Variants in MIPEP observed in about 807,000 individuals in gnomAD.
MIPEP encodes mitochondrial intermediate peptidase.
Under a neutral mutation model 90.3 loss-of-function variants are expected in MIPEP, and 79 were observed. The observed-to-expected ratio is 0.87, with a 90% CI of 0.73 to 1.05. MIPEP has a LOEUF of 1.05. MIPEP is among the 50% of genes least tolerant of loss of function. The pLI, the probability that MIPEP is intolerant of heterozygous loss-of-function variation, is 0.00. For synonymous variants in MIPEP, 334 were observed against 315.8 expected (o/e 1.06, Z -0.61); for missense variants, 940 against 905.6 (o/e 1.04, Z -0.49).
At chr13:23,823,423 G>C (rs73158579) in intron 14 of MIPEP, among the ~76,000 whole-genome samples, 2,647 of 152,334 alleles carry the variant, frequency 0.017, 38 homozygotes, top group Non-Finnish European at 0.026. Flanking sequence ...TGAAACATCT[G>C]ACTTTCTCAA....
intron 1 of MIPEP, 125 bp downstream of exon 1, chr13:23,889,006 TA>T: frequency 1.1e-6 from 1 of 913,034 alleles, no homozygotes; most frequent in Non-Finnish European, 1.5e-6. Flanking sequence ...GACGCCACTG[TA>T]AAAGGTGGGT....
chr13:23,750,951 T>G (rs551921914), intron 18 of MIPEP, among the ~76,000 whole-genome samples: 1 of 152,288 alleles, frequency 6.6e-6, no homozygotes, highest in African/African-American at 2.4e-5. Flanking sequence ...ACTTCCTTCC[T>G]TTCTGGCACT....
At position 23,888,774 on chromosome 13, in the gene MIPEP, G is replaced by T. The variant is rs1205044086; in HGVS notation, c.189+358C>A. The T allele has an allele frequency of 3.8e-6, 4 of 1,051,038 alleles. No individual in the cohort carries two copies. In the East Asian group the frequency reaches 2.1e-4, roughly 55 times the overall value. The allele number at this position is 1,051,038 out of a possible 1,614,324, so 65.1% of individuals were successfully genotyped here. Reference sequence around the variant, plus strand: ...AGGCCTCTTAAGGCAGGACTGTAGCGCTGGAGCTAAAGGGCTTTAGCAGGG... The same window carrying T: ...AGGCCTCTTAAGGCAGGACTGTAGCTCTGGAGCTAAAGGGCTTTAGCAGGG... On this transcript the variant is annotated intron_variant, in intron 1 of 18. Coordinates refer to ENST00000382172, the MANE Select transcript of MIPEP (RefSeq NM_005932.4).
chr13:23,859,536 T>A (rs1310958103), intron 9 of MIPEP, among the ~76,000 whole-genome samples: 1 of 152,158 alleles, frequency 6.6e-6, no homozygotes, highest in East Asian at 1.9e-4. Flanking sequence ...AAAGAGTGGT[T>A]AAGAGACCAG....
At chr13:23,757,128 C>T (rs1952497543) in intron 17 of MIPEP, among the ~76,000 whole-genome samples, 1 of 152,094 alleles carries the variant, frequency 6.6e-6, no homozygotes, top group Non-Finnish European at 1.5e-5. Context: ...GCTTGTTTTT[C>T]TACAACTAGA....
intron 7 of MIPEP, among the ~76,000 whole-genome samples, chr13:23,866,577 G>A (rs756884192): frequency 3.9e-5 from 6 of 152,110 alleles, no homozygotes; most frequent in Non-Finnish European, 7.4e-5. Context: ...GACCTTCTGC[G>A]CGGCCTCCAG....
intron 17 of MIPEP, among the ~76,000 whole-genome samples, chr13:23,759,207 G>A (rs1177482551): frequency 1.3e-5 from 2 of 152,148 alleles, no homozygotes; most frequent in African/African-American, 4.8e-5. Flanking sequence ...TTGTTATAGG[G>A]ATTCCTGTTA....
intron 18 of MIPEP, among the ~76,000 whole-genome samples, chr13:23,748,990 C>T (rs1468299329): frequency 6.6e-6 from 1 of 152,220 alleles, no homozygotes; most frequent in Non-Finnish European, 1.5e-5. Context: ...TGTTCTCCTA[C>T]AGTGCTGGGC....
chr13:23,803,747 G>A (rs969140664), intron 16 of MIPEP, among the ~76,000 whole-genome samples: 15 of 152,208 alleles, frequency 9.9e-5, no homozygotes, highest in African/African-American at 3.6e-4. Context: ...CCAACTTGAT[G>A]TCGGGAATGT....
intron 8 of MIPEP, 21 bp from the exon 9 acceptor site, chr13:23,862,383 T>C: frequency 6.9e-7 from 1 of 1,450,272 alleles, no homozygotes; most frequent in East Asian, 2.3e-5. Flanking sequence ...GGTTTATCAT[T>C]ACTTGTTAGG....
chr13:23,887,492 C>T (rs562910024), intron 1 of MIPEP, among the ~76,000 whole-genome samples: 4 of 152,232 alleles, frequency 2.6e-5, no homozygotes, highest in African/African-American at 4.8e-5. Context: ...GAACTCGAAC[C>T]CGCTCTGTAC....
At chr13:23,845,391 G>A (rs553863618) in intron 10 of MIPEP, among the ~76,000 whole-genome samples, 2 of 152,228 alleles carry the variant, frequency 1.3e-5, no homozygotes, top group East Asian at 3.9e-4. Context: ...ACATCGTTTG[G>A]AATTTCCCAC....
intron 18 of MIPEP, among the ~76,000 whole-genome samples, chr13:23,734,392 A>G (rs1952238220): frequency 6.6e-6 from 1 of 152,232 alleles, no homozygotes; most frequent in South Asian, 2.1e-4. Flanking sequence ...TCGGAGCCAC[A>G]TCATTTTGGT....
intron 7 of MIPEP, among the ~76,000 whole-genome samples, chr13:23,864,587 T>C (rs919168397): frequency 1.3e-5 from 2 of 151,840 alleles, no homozygotes; most frequent in Non-Finnish European, 2.9e-5. Context: ...AATACAAAAA[T>C]TAGCCAGGCG....
chr13:23,784,596 A>G (rs1380650791), intron 16 of MIPEP, among the ~76,000 whole-genome samples: 1 of 152,190 alleles, frequency 6.6e-6, no homozygotes, highest in Non-Finnish European at 1.5e-5. Flanking sequence ...TTCATGTCTA[A>G]AACACCAAAA....
chr13:23,862,308 T>C lies in MIPEP; in HGVS notation c.1047A>G (p.Gln349=), dbSNP rs777323512. ...IRGMKMKLNP[Q]NSEVMPWDPP... ...AATATTCCAACATACTTACGGAATT[T>C]TGAGGATTCAGTTTCATTTTCATCC... Residue 349 remains glutamine, a synonymous_variant, in exon 9 of 19, where the codon CAA becomes CAG. Transcript: ENST00000382172. 7.1e-6 allele frequency: 11 copies of C among 1,556,392 alleles called. No homozygotes were observed. In the African/African-American group the frequency reaches 1.2e-4, roughly 17 times the overall value.
At chr13:23,743,899 G>A (rs751259690) in intron 18 of MIPEP, among the ~76,000 whole-genome samples, 3 of 152,162 alleles carry the variant, frequency 2.0e-5, no homozygotes, top group Non-Finnish European at 4.4e-5. Flanking sequence ...AGCTTTCAGC[G>A]ATTTCAGAGG....
chr13:23,796,910 G>T lies in MIPEP; in HGVS notation c.1848+9040C>A, dbSNP rs531226002. Among the ~76,000 whole-genome samples, 12 of 152,256 alleles carry T rather than the reference G, an allele frequency of 7.9e-5. No homozygotes were observed. In the East Asian group the frequency reaches 2.3e-3, roughly 29 times the overall value. The stretch of plus-strand genomic sequence containing the variant: ...ATTACACATAAGTTATATGCTAAAA[G>T]TTCATTCACTATTCTGTTACTTGGG... On this transcript the variant is annotated intron_variant, in intron 16 of 18. Transcript: ENST00000382172.
intron 16 of MIPEP, among the ~76,000 whole-genome samples, chr13:23,771,591 A>T (rs913098866): frequency 5.9e-5 from 9 of 151,850 alleles, no homozygotes; most frequent in Non-Finnish European, 1.0e-4. Flanking sequence ...GAAGTGACAA[A>T]ACAAAATTAA....
Sources: allele counts gnomAD v4.1 joint callset (sites outside exome capture counted in the v4.1 genomes callset), GRCh38; gene constraint gnomAD v4.1.1; transcripts MANE v1.5; gene names NCBI Gene and HGNC (gene_info 2026-07-23, HGNC 2026-07-21).